The following EML6 variants were observed in gnomAD, a reference collection of about 807,000 sequenced individuals.
EML6 encodes EMAP like 6.
Under a neutral mutation model 240.1 loss-of-function variants are expected in EML6, and 154 were observed. The observed-to-expected ratio is 0.64, with a 90% CI of 0.56 to 0.73. EML6 has a LOEUF of 0.73. Among genes scored for constraint, EML6 ranks in the 30% least tolerant of loss-of-function variants. The pLI is 0.00. For missense variants in EML6, 2,964 were observed against 2,474.6 expected, an observed-to-expected ratio of 1.20 and a Z score of -4.20; for synonymous variants, 1,148 against 899.0, an observed-to-expected ratio of 1.28 and a Z score of -4.95.
intron 38 of EML6, 156 bp from the exon 39 acceptor site, chr2:54,966,844 G>T: frequency 1.9e-6 from 1 of 517,052 alleles, no homozygotes; most frequent in Non-Finnish European, 3.6e-6. Context: ...GTTGTCATGG[G>T]CTGGCCATAG....
In EML6 at chr2:54,863,812, T is replaced by TTC; in HGVS notation, c.1855_1856insTC (p.Ser619PhefsTer36). 1 of 1,549,316 alleles carries TTC rather than the reference T, an allele frequency of 6.5e-7. No individual in the cohort carries two copies. Among genetic ancestry groups the TTC allele is most frequent in the Non-Finnish European group, 8.7e-7 (1 of 1,145,536 alleles). Reference sequence around the variant, plus strand: ...TGGAGCTGATTCCTACAGTGAAGAATCTGATTCAGATTTATCTGATGTGCC... The same window carrying TTC: ...TGGAGCTGATTCCTACAGTGAAGAATTCCTGATTCAGATTTATCTGATGTGCC... On this transcript the variant is annotated frameshift_variant, in exon 13 of 42. Coordinates refer to ENST00000356458, the MANE Select transcript of EML6 (RefSeq NM_001039753.4). LOFTEE classifies it high-confidence loss of function.
At chr2:54,783,903 C>G (rs1668960662) in intron 2 of EML6, among the ~76,000 whole-genome samples, 1 of 152,080 alleles carries the variant, frequency 6.6e-6, no homozygotes, top group Non-Finnish European at 1.5e-5. Flanking sequence ...TTTTAAATAT[C>G]TGCACATTAG....
chr2:54,789,493 C>T, intron 2 of EML6, among the ~76,000 whole-genome samples: 1 of 124,726 alleles, frequency 8.0e-6, no homozygotes, highest in South Asian at 2.6e-4. Context: ...CCGCCTGGGC[C>T]ACAGAGCGAG....
At chr2:54,830,209 T>C (rs190783834) in intron 7 of EML6, among the ~76,000 whole-genome samples, 1 of 152,174 alleles carries the variant, frequency 6.6e-6, no homozygotes, top group Non-Finnish European at 1.5e-5. Flanking sequence ...ACAAAGAATT[T>C]ACAGCCGAGA....
chr2:54,944,299 C>T (rs1675573628), intron 28 of EML6, among the ~76,000 whole-genome samples: 1 of 152,288 alleles, frequency 6.6e-6, no homozygotes, highest in African/African-American at 2.4e-5. Context: ...CTGTCTCATT[C>T]CATGATACAA....
intron 11 of EML6, among the ~76,000 whole-genome samples, chr2:54,854,797 T>C (rs1670283297): frequency 6.6e-6 from 1 of 152,240 alleles, no homozygotes; most frequent in Non-Finnish European, 1.5e-5. Flanking sequence ...CACAGAATTA[T>C]CTCAACATGC....
chr2:54,734,292 C>T (rs1393574677), intron 2 of EML6, among the ~76,000 whole-genome samples: 1 of 152,170 alleles, frequency 6.6e-6, no homozygotes, highest in Non-Finnish European at 1.5e-5. Flanking sequence ...GAGCTGAGAT[C>T]GCACCACTGC....
chr2:54,967,431 G>C (rs930672012), intron 39 of EML6, among the ~76,000 whole-genome samples: 5 of 152,206 alleles, frequency 3.3e-5, no homozygotes, highest in Admixed American at 2.6e-4. Flanking sequence ...GCTAGGGGAA[G>C]GGAGTGGGAG....
chr2:54,859,735 A>G (rs932731085), intron 12 of EML6, 34 bp downstream of exon 12: 3 of 1,497,044 alleles, frequency 2.0e-6, no homozygotes, highest in Non-Finnish European at 2.7e-6. Context: ...ACATCATTTT[A>G]TTTTTCAATA....
intron 2 of EML6, among the ~76,000 whole-genome samples, chr2:54,743,031 T>C (rs1294703284): frequency 6.6e-6 from 1 of 152,256 alleles, no homozygotes; most frequent in Non-Finnish European, 1.5e-5. Flanking sequence ...CTTATCATAT[T>C]AAACATTAAA....
chr2:54,939,173 A>G (rs1275732949), intron 28 of EML6, among the ~76,000 whole-genome samples: 1 of 152,246 alleles, frequency 6.6e-6, no homozygotes, highest in Non-Finnish European at 1.5e-5. Context: ...CTTTGTCATT[A>G]AAATCCATAA....
rs564141937 is a variant in EML6, at chr2:54,926,525, A to G, written c.3676-1788A>G. The stretch of plus-strand genomic sequence containing the variant: ...TTTGGCTTGAAGACCCAGAAAGGTC[A>G]TTCATCCCAATGGCTGTGCCAGGTC... On this transcript the variant is annotated intron_variant, in intron 26 of 41. Coordinates refer to ENST00000356458, the MANE Select transcript of EML6 (RefSeq NM_001039753.4). 2.0e-5 allele frequency among the ~76,000 whole-genome samples: 3 copies of G among 152,378 alleles called. No homozygotes were observed. The East Asian group carries it at 5.8e-4, about 29-fold the overall frequency.
intron 17 of EML6, among the ~76,000 whole-genome samples, chr2:54,888,011 G>A (rs1360145084): frequency 6.6e-6 from 1 of 152,196 alleles, no homozygotes; most frequent in Admixed American, 6.5e-5. Flanking sequence ...TATTTTTCAT[G>A]TAGCGTTACC....
In EML6 at chr2:54,928,411, C is replaced by T. The variant is rs186494148; in HGVS notation, c.3774C>T (p.Gly1258=). ...HNDSVLLTVG[G]ADTALMIWTR... ...ACTCTGTGCTGCTCACGGTGGGCGGCGCCGACACAGCCCTGATGATCTGGA... is the reference window on the plus strand; with the variant it reads ...ACTCTGTGCTGCTCACGGTGGGCGGTGCCGACACAGCCCTGATGATCTGGA... The change falls in exon 27 of 42, where the codon GGC becomes GGT. Residue 1258 remains glycine, a synonymous_variant. Transcript: ENST00000356458. 143 of 1,551,124 alleles carry T rather than the reference C, an allele frequency of 9.2e-5. 1 individual carries two copies. The African/African-American group carries it at 1.3e-3, about 14-fold the overall frequency.
intron 2 of EML6, among the ~76,000 whole-genome samples, chr2:54,797,167 A>AAAAAAAAAAAAAAAAAAAAAAAAAAAC (rs1669839577): frequency 1.8e-5 from 2 of 114,018 alleles, no homozygotes; most frequent in African/African-American, 3.2e-5. Flanking sequence ...TCCATCTCAA[A>AAAAAAAAAAAAAAAAAAAAAAAAAAAC]AAAAAAAAAA....
At position 54,928,629 on chromosome 2, in the gene EML6, T is replaced by C; in HGVS notation, c.3882T>C (p.Tyr1294=). ...SDTDVEEDGG[Y]DSDVAREKAI... ...AATCTCTTTCTGTTGTTTGAGGCTATGACAGCGATGTTGCTAGAGAAAAGG... is the reference window on the plus strand; with the variant it reads ...AATCTCTTTCTGTTGTTTGAGGCTACGACAGCGATGTTGCTAGAGAAAAGG... The change falls in exon 28 of 42, where the codon TAT becomes TAC. Residue 1294 remains tyrosine (Y), a synonymous_variant. Transcript: ENST00000356458. 6.4e-7 allele frequency: 1 copy of C among 1,552,160 alleles called. No individual in the cohort carries two copies. The highest frequency in any genetic ancestry group is 1.2e-5 in the South Asian group (1 of 84,058).
At chr2:54,778,891 C>CCAAAAAAAAAA (rs1668719307) in intron 2 of EML6, among the ~76,000 whole-genome samples, 5 of 99,590 alleles carry the variant, frequency 5.0e-5, no homozygotes, top group Admixed American at 4.0e-4. Flanking sequence ...GACTCCATCT[C>CCAAAAAAAAAA]AAAAAAAAAA....
chr2:54,870,055 T>C (rs755907802), intron 15 of EML6, among the ~76,000 whole-genome samples: 6 of 152,256 alleles, frequency 3.9e-5, no homozygotes, highest in Non-Finnish European at 5.9e-5. Context: ...TATACTTTTG[T>C]TCAGTTTTTA....
At chr2:54,811,081 C>T (rs1667819558) in intron 2 of EML6, among the ~76,000 whole-genome samples, 1 of 152,142 alleles carries the variant, frequency 6.6e-6, no homozygotes, top group African/African-American at 2.4e-5. Context: ...CCCAGTAGCT[C>T]TTGACTCTTC....
Sources: gnomAD v4.1 joint callset for allele counts (sites outside exome capture counted in the v4.1 genomes callset) on GRCh38, gnomAD v4.1.1 for gene constraint, MANE v1.5 for transcripts, NCBI Gene and HGNC (gene_info 2026-07-23, HGNC 2026-07-21) for gene names.